The following PCLO variants were observed in gnomAD, a reference collection of about 807,000 sequenced individuals.
PCLO encodes the protein protein piccolo.
In PCLO, 82 loss-of-function variants were observed where a neutral mutation model predicts 427.5. The observed-to-expected ratio is 0.19, with a 90% CI of 0.16 to 0.23. The LOEUF is 0.23. Ranked by LOEUF, PCLO falls within the 10% of genes least tolerant of loss-of-function variation. PCLO has a pLI of 1.00. For synonymous variants in PCLO, 2,357 were observed against 2,155.4 expected (o/e 1.09, Z -2.59); for missense variants, 6,239 against 6,115.9 (o/e 1.02, Z -0.67).
chr7:82,816,824 T>A (rs370330215), intron 20 of PCLO, among the ~76,000 whole-genome samples: 1 of 152,036 alleles, frequency 6.6e-6, no homozygotes, highest in African/African-American at 2.4e-5. Flanking sequence ...TCGGTGCAGA[T>A]CCATGGCTAC....
chr7:82,916,019 T>A lies in PCLO; in HGVS notation c.11967A>T (p.Ala3989=). 1 of 1,612,792 alleles carries A rather than the reference T, an allele frequency of 6.2e-7. No individual in the cohort carries two copies. Among genetic ancestry groups the A allele is most frequent in the Non-Finnish European group, 8.5e-7 (1 of 1,179,770 alleles). The change falls in exon 7 of 25, where the codon GCA becomes GCT. Residue 3989 remains alanine, a synonymous_variant. Transcript: ENST00000333891. ...EVIRNQPLMI[A]PVSTDNTFAV... The stretch of plus-strand genomic sequence containing the variant: ...CAAATGTGTTATCCGTAGAAACAGG[T>A]GCTATCATAAGGGGTTGGTTGCGAA...
At position 82,951,901 on chromosome 7, in the gene PCLO, C is replaced by T. The variant is rs866383267; in HGVS notation, c.9052G>A (p.Gly3018Arg). ...GTCAGATCTACTGCTGTGTCAGTTC[C>T]TTCAGAATAATCAAAAGCATTCTTA... Reference protein sequence around the residue: ...KSKNAFDYSEGTDTAVDLTSG... With the variant: ...KSKNAFDYSERTDTAVDLTSG... The change falls in exon 5 of 25, where the codon GGA becomes AGA. Residue 3018 changes from glycine to arginine, a missense_variant. Physicochemically the swap from Gly to Arg is moderately radical, Grantham distance 125. Around this residue, in one of 5 missense-constraint regions of PCLO, gnomAD observed 4,677 missense variants for 4,468.4 expected, o/e 1.05. Coordinates refer to ENST00000333891, the MANE Select transcript of PCLO (RefSeq NM_033026.6). The T allele has an allele frequency of 1.2e-6, 2 of 1,613,746 alleles. No homozygotes were observed. Among genetic ancestry groups the T allele is most frequent in the South Asian group, 2.2e-5 (2 of 91,086 alleles).
chr7:82,981,915 A>C (rs1796154739), intron 3 of PCLO, among the ~76,000 whole-genome samples: 1 of 152,118 alleles, frequency 6.6e-6, no homozygotes, highest in South Asian at 2.1e-4. Flanking sequence ...CAGACCATAC[A>C]GACTAGTTAT....
intron 6 of PCLO, among the ~76,000 whole-genome samples, chr7:82,926,140 A>G (rs1307366706): frequency 6.6e-6 from 1 of 152,216 alleles, no homozygotes; most frequent in East Asian, 1.9e-4. Context: ...AAAATCCATT[A>G]GCATTGCAAT....
intron 10 of PCLO, among the ~76,000 whole-genome samples, chr7:82,865,349 A>C (rs963718597): frequency 6.6e-6 from 1 of 151,980 alleles, no homozygotes; most frequent in Non-Finnish European, 1.5e-5. Flanking sequence ...GTAGCCAGGC[A>C]TGGTGGCCAG....
At position 83,101,140 on chromosome 7, in the gene PCLO, A is replaced by G. The variant is rs1236015829; in HGVS notation, c.3300+33110T>C. Among the ~76,000 whole-genome samples the G allele has an allele frequency of 7.9e-5, 12 of 151,930 alleles. 1 individual carries two copies. Among genetic ancestry groups the G allele is most frequent in the Middle Eastern group, 8.7e-3 (2 of 230 alleles). On this transcript the variant is annotated intron_variant, in intron 3 of 24. Coordinates refer to ENST00000333891, the MANE Select transcript of PCLO (RefSeq NM_033026.6). ...ATTAATTAGCATAATAGCTCCTCTT[A>G]TTTCATAGTTAAATATAAGCATTAT...
At chr7:83,125,151 A>T (rs1278018208) in intron 3 of PCLO, among the ~76,000 whole-genome samples, 1 of 152,032 alleles carries the variant, frequency 6.6e-6, no homozygotes, top group Admixed American at 6.5e-5. Flanking sequence ...AAGTGCTGAG[A>T]TTGCAGCCTC....
At chr7:82,837,940 T>C (rs897336293) in intron 15 of PCLO, among the ~76,000 whole-genome samples, 2 of 151,974 alleles carry the variant, frequency 1.3e-5, no homozygotes, top group Non-Finnish European at 2.9e-5. Flanking sequence ...GTGAATCTGA[T>C]AGTTATCACA....
intron 8 of PCLO, among the ~76,000 whole-genome samples, chr7:82,905,434 G>T (rs1286228441): frequency 6.6e-6 from 1 of 151,934 alleles, no homozygotes; most frequent in African/African-American, 2.4e-5. Flanking sequence ...TCTAGATGCA[G>T]GAGACAGAGT....
At chr7:82,769,962 C>G (rs1348667368) in intron 22 of PCLO, among the ~76,000 whole-genome samples, 1 of 152,102 alleles carries the variant, frequency 6.6e-6, no homozygotes, top group Non-Finnish European at 1.5e-5. Flanking sequence ...ATCTTCTGCT[C>G]TAAATAATTG....
rs371338862 is a variant in PCLO, at chr7:82,844,863, G to A, written c.14046+408C>T. ...TTACTGGTTTTCCTTGTTTGTTATT[G>A]TCTTAAATTTTCTTTATCACTGTGT... On this transcript the variant is annotated intron_variant, in intron 13 of 24. Coordinates refer to ENST00000333891, the MANE Select transcript of PCLO (RefSeq NM_033026.6). Among the ~76,000 whole-genome samples the A allele has an allele frequency of 2.5e-4, 38 of 152,078 alleles. 1 individual carries two copies. Among genetic ancestry groups the A allele is most frequent in the African/African-American group, 8.4e-4 (35 of 41,508 alleles).
intron 22 of PCLO, among the ~76,000 whole-genome samples, chr7:82,781,356 A>G (rs1790868226): frequency 6.6e-6 from 1 of 151,670 alleles, no homozygotes; most frequent in Admixed American, 6.6e-5. Flanking sequence ...AACAGAGTAC[A>G]TGTGCAGAAC....
At chr7:82,933,077 G>T (rs1794876167) in intron 6 of PCLO, among the ~76,000 whole-genome samples, 2 of 151,908 alleles carry the variant, frequency 1.3e-5, no homozygotes, top group Non-Finnish European at 2.9e-5. Flanking sequence ...GTTATTTTCT[G>T]TTGCAAAGCC....
intron 3 of PCLO, among the ~76,000 whole-genome samples, chr7:83,096,669 G>T (rs6961739): frequency 7.2e-6 from 1 of 139,508 alleles, no homozygotes; most frequent in Admixed American, 8.0e-5. Context: ...GTCTTATTTT[G>T]TCAATATTTT....
intron 23 of PCLO, 118 bp downstream of exon 23, chr7:82,761,241 T>A (rs1309580264): frequency 5.2e-6 from 3 of 578,832 alleles, no homozygotes; most frequent in Non-Finnish European, 8.8e-6. Context: ...TGTTAATCAG[T>A]TATTTTTTCT....
intron 4 of PCLO, among the ~76,000 whole-genome samples, chr7:82,958,958 A>T (rs1795594967): frequency 6.6e-6 from 1 of 152,214 alleles, no homozygotes. Flanking sequence ...GAGTTACAGT[A>T]AACACCATCA....
chr7:82,894,271 A>G (rs1793846920), intron 9 of PCLO: 1 of 152,146 alleles, frequency 6.6e-6, no homozygotes, highest in Non-Finnish European at 1.5e-5. Flanking sequence ...CAAACTAAGC[A>G]GCATTTGTTC....
chr7:82,865,305 T>C (rs927480399), intron 10 of PCLO, among the ~76,000 whole-genome samples: 8 of 152,162 alleles, frequency 5.3e-5, no homozygotes, highest in East Asian at 1.9e-4. Flanking sequence ...CTGACCAACA[T>C]GGTGAAACCC....
In PCLO at chr7:83,135,321, C is replaced by A; in HGVS notation, c.2229G>T (p.Glu743Asp). ...APPKEPSVPS[E>D]QDKAPVADDK... Reference sequence around the variant, plus strand: ...CATCAGCAACAGGGGCCTTGTCCTGCTCAGATGGGACAGAAGGTTCTTTGG... The same window carrying A: ...CATCAGCAACAGGGGCCTTGTCCTGATCAGATGGGACAGAAGGTTCTTTGG... Residue 743 changes from glutamate to aspartate, a missense_variant, in exon 3 of 25, where the codon GAG (glutamate) becomes GAT (aspartate). Glu to Asp is a conservative substitution (Grantham distance 45, BLOSUM62 2). Around this residue, in one of 5 missense-constraint regions of PCLO, gnomAD observed 4,677 missense variants for 4,468.4 expected, o/e 1.05. Transcript: ENST00000333891. 6.2e-7 allele frequency: 1 copy of A among 1,613,908 alleles called. No homozygotes were observed. Among genetic ancestry groups the A allele is most frequent in the Admixed American group, 1.7e-5 (1 of 60,002 alleles).
Sources: gnomAD v4.1 joint callset for allele counts (sites outside exome capture counted in the v4.1 genomes callset) on GRCh38, gnomAD v4.1.1 for gene constraint, gnomAD v4.1.1 regional missense constraint, MANE v1.5 for transcripts, NCBI Gene and HGNC (gene_info 2026-07-23, HGNC 2026-07-21) for gene names.